TMEM223: variants seen among roughly 807,000 people sequenced by gnomAD.
TMEM223 encodes transmembrane protein 223.
In TMEM223, 14 loss-of-function variants were observed where a neutral mutation model predicts 14.1. The observed-to-expected ratio is 0.99, with a 90% confidence interval of 0.66 to 1.55. The LOEUF (loss-of-function observed/expected upper bound fraction) is 1.55, where lower values mean the gene tolerates loss of function less well. Among genes scored for constraint, TMEM223 ranks in the 40% most tolerant of loss-of-function variants. TMEM223 has a pLI of 0.00. For synonymous variants in TMEM223, 145 were observed against 120.5 expected (o/e 1.20, Z -1.33); for missense variants, 346 against 269.9 (o/e 1.28, Z -1.97).
downstream of TMEM223, among the ~76,000 whole-genome samples, chr11:62,785,584 G>A (rs902565242): frequency 2.0e-5 from 3 of 151,088 alleles, no homozygotes; most frequent in African/African-American, 7.3e-5. Flanking sequence ...TCCCAGGGTG[G>A]AGTGCGGTGG....
intron 1 of TMEM223, among the ~76,000 whole-genome samples, chr11:62,774,826 G>A (rs2084173475): frequency 6.7e-6 from 1 of 150,184 alleles, no homozygotes; most frequent in Non-Finnish European, 1.5e-5. Flanking sequence ...GCACGTGCCT[G>A]TAATCCCAGC....
Position 62,791,824 on chromosome 11 carries a change from G to A in TMEM223, c.171C>T (p.Val57=). 1 of 1,587,034 alleles carries A rather than the reference G, an allele frequency of 6.3e-7. No homozygotes were observed. Among genetic ancestry groups the A allele is most frequent in the Non-Finnish European group, 8.6e-7 (1 of 1,167,536 alleles). Residue 57 remains valine (V), a synonymous_variant, in exon 1 of 2, where the codon GTC becomes GTT. Transcript: ENST00000307366. ...ILGLFCAGQG[V]FWASMAVAAV... ...CTGCCACAGCCATGGAAGCCCAGAA[G>A]ACGCCCTGGCCCGCGCAGAACAGCC... is the stretch of plus-strand genomic sequence containing the variant.
chr11:62,791,029 G>A (rs1341058713), intron 1 of TMEM223, 114 bp from the exon 2 acceptor site: 11 of 1,212,884 alleles, frequency 9.1e-6, no homozygotes, highest in South Asian at 1.7e-5. Flanking sequence ...TTTACTGAGC[G>A]CTTTTTTTTT....
Position 62,776,292 on chromosome 11 carries a change from G to C in TMEM223, c.315-1627C>G, listed in dbSNP as rs897312076. On this transcript the variant is annotated intron_variant, in intron 1 of 2. Coordinates refer to the TMEM223 transcript ENST00000528367. ...GATCCCTAAGCGTGGTCTCCTGTTT[G>C]CCTTCTCTCCAGTCTGGCCCACTTC... The C allele has an allele frequency of 1.1e-5, 15 of 1,306,926 alleles. No homozygotes were observed. The South Asian group carries it at 1.8e-4, about 16-fold the overall frequency. The allele number at this position is 1,306,926 out of a possible 1,614,324, so 81.0% of individuals were successfully genotyped here.
Position 62,791,956 on chromosome 11 carries a change from T to C in TMEM223, c.39A>G (p.Leu13=), listed in dbSNP as rs770879308. ...AGGTGAGCAGGGGCCGCAGCACGGC[T>C]AGCAGCCCCGTGGGCCATCGCCTCC... The part of the protein sequence containing the change: ...APWRRWPTGL[L]AVLRPLLTCR... Residue 13 remains leucine (L), a synonymous_variant, in exon 1 of 2, where the codon CTA becomes CTG. Transcript: ENST00000307366. 1.3e-6 allele frequency: 2 copies of C among 1,578,762 alleles called. No individual in the cohort carries two copies. Among genetic ancestry groups the C allele is most frequent in the Non-Finnish European group, 8.6e-7 (1 of 1,161,652 alleles).
At chr11:62,787,138 A>C, downstream of TMEM223, 2 of 1,565,230 alleles carry the variant, frequency 1.3e-6, no homozygotes, top group African/African-American at 2.8e-5. Context: ...GCAGGCTGGG[A>C]GGCGCTGCCG....
At chr11:62,782,239 T>G in intron 1 of TMEM223, 1 of 1,614,248 alleles carries the variant, frequency 6.2e-7, no homozygotes, top group Middle Eastern at 1.6e-4. Context: ...TGTCCTCTAC[T>G]GTGTCCTGGA....
intron 1 of TMEM223, chr11:62,775,522 A>T: frequency 2.4e-6 from 1 of 415,268 alleles, no homozygotes; most frequent in Non-Finnish European, 4.3e-6. Flanking sequence ...ATAGAAGGTG[A>T]CAGGGCAGGA....
chr11:62,782,488 G>C, intron 1 of TMEM223: 4 of 1,041,088 alleles, frequency 3.8e-6, no homozygotes, highest in Non-Finnish European at 5.5e-6. Flanking sequence ...TGACACACTG[G>C]GATTCTGAAA....
chr11:62,775,999 C>T lies in TMEM223; in HGVS notation c.315-1334G>A, dbSNP rs75580437. 6,179 of 1,520,654 alleles carry T rather than the reference C, an allele frequency of 4.1e-3. 211 individuals carry two copies. In the African/African-American group the frequency reaches 0.078, roughly 19 times the overall value. 94.2% of individuals were successfully genotyped at this position (1,520,654 alleles called of 1,614,324 possible). A position where few individuals can be genotyped will look rare whatever the true frequency, so the allele number is the denominator to read the frequency against. On this transcript the variant is annotated intron_variant, in intron 1 of 2. Coordinates refer to the TMEM223 transcript ENST00000528367. ...CTGCCTTTTTACTAACCTCCACCCT[C>T]GCTGATTTATTCAAGTGTACACTGG...
chr11:62,787,332 GC>G (rs750969404), downstream of TMEM223: 13 of 1,522,534 alleles, frequency 8.5e-6, no homozygotes, highest in Non-Finnish European at 1.1e-5. Flanking sequence ...AATAAATCCC[GC>G]CCCCGGAAAT....
downstream of TMEM223, among the ~76,000 whole-genome samples, chr11:62,788,843 G>A (rs1038907001): frequency 2.6e-5 from 4 of 152,074 alleles, no homozygotes; most frequent in Non-Finnish European, 5.9e-5. Context: ...GGCCACTGCC[G>A]GTGTGATTCC....
At chr11:62,786,547 G>T (rs1210426191), downstream of TMEM223, 1 of 1,553,902 alleles carries the variant, frequency 6.4e-7, no homozygotes, top group South Asian at 1.2e-5. Context: ...GAAGATGAAG[G>T]CCCAGGCAGC....
At chr11:62,779,315 C>A (rs1590934706) in intron 1 of TMEM223, among the ~76,000 whole-genome samples, 1 of 152,080 alleles carries the variant, frequency 6.6e-6, no homozygotes, top group Non-Finnish European at 1.5e-5. Flanking sequence ...CTGCCTTAGC[C>A]TCCCGAGTAG....
chr11:62,777,541 C>T (rs2084196357), intron 1 of TMEM223, among the ~76,000 whole-genome samples: 1 of 152,008 alleles, frequency 6.6e-6, no homozygotes, highest in African/African-American at 2.4e-5. Context: ...TTGAGCTTGG[C>T]TTAAACTAGG....
chr11:62,782,571 C>T (rs368983661), downstream of TMEM223: 1 of 1,436,948 alleles, frequency 7.0e-7, no homozygotes, highest in Non-Finnish European at 9.5e-7. Flanking sequence ...TGGCAGCCTT[C>T]TTCACTTAAC....
chr11:62,786,349 GGT>G, downstream of TMEM223: 1 of 1,614,134 alleles, frequency 6.2e-7, no homozygotes, highest in South Asian at 1.1e-5. Context: ...CTAATGCCCA[GGT>G]CAAAGCAGAT....
At chr11:62,786,949 G>T, downstream of TMEM223, 1 of 1,454,618 alleles carries the variant, frequency 6.9e-7, no homozygotes, top group Non-Finnish European at 9.0e-7. Flanking sequence ...CAGCGGCGGA[G>T]GCGGCCCCGC....
chr11:62,789,601 C>T (rs750653812), downstream of TMEM223: 16 of 1,549,924 alleles, frequency 1.0e-5, no homozygotes, highest in Non-Finnish European at 1.4e-5. Flanking sequence ...GACCTCACAG[C>T]TGTTCTGAAG....
Sources: allele counts gnomAD v4.1 joint callset (sites outside exome capture counted in the v4.1 genomes callset), GRCh38; gene constraint gnomAD v4.1.1; transcripts MANE v1.5; gene names NCBI Gene and HGNC (gene_info 2026-07-23, HGNC 2026-07-21).